The following ANAPC1 variants were observed in gnomAD, a reference collection of about 807,000 sequenced individuals.
ANAPC1 encodes anaphase-promoting complex subunit 1.
Under a neutral mutation model 208.0 loss-of-function variants are expected in ANAPC1, and 36 were observed. That is an observed-to-expected ratio of 0.17 (90% CI 0.13 to 0.23). ANAPC1 has a LOEUF of 0.23. Among genes scored for constraint, ANAPC1 ranks in the 10% least tolerant of loss-of-function variants. ANAPC1 has a pLI of 1.00. For synonymous variants in ANAPC1, 378 were observed against 695.2 expected, an observed-to-expected ratio of 0.54 and a Z score of 7.18; for missense variants, 942 against 2,011.6, an observed-to-expected ratio of 0.47 and a Z score of 10.17.
At chr2:111,833,045 T>C (rs1049663429) in intron 20 of ANAPC1, among the ~76,000 whole-genome samples, 175 bp downstream of exon 20, 4 of 151,826 alleles carry the variant, frequency 2.6e-5, no homozygotes, top group African/African-American at 9.7e-5. Context: ...GAAGATATTA[T>C]GGCTTACTAC....
rs776057720 is a variant in ANAPC1 at position 111,843,432 on chromosome 2, G to T, written c.2020C>A (p.Arg674Ser). The change falls in exon 17 of 48, where the codon CGC becomes AGC. Residue 674 changes from arginine to serine, a missense_variant. By Grantham distance (110) the Arg-to-Ser change is moderately radical. Coordinates refer to ENST00000341068, the MANE Select transcript of ANAPC1 (RefSeq NM_022662.4). The stretch of plus-strand genomic sequence containing the variant: ...CTTACATTTCTAGTCCATGCTAAGC[G>T]GTCTGTGTTATAACCCATCATGTTC... Reference protein sequence around the residue: ...LMNMMGYNTDRLAWTRNFDFE... With the variant: ...LMNMMGYNTDSLAWTRNFDFE... 6.2e-7 allele frequency: 1 copy of T among 1,611,840 alleles called. No individual in the cohort carries two copies. Among genetic ancestry groups the T allele is most frequent in the Non-Finnish European group, 8.5e-7 (1 of 1,179,832 alleles).
At chr2:111,835,116 AAGAC>A (rs1680394430) in intron 18 of ANAPC1, among the ~76,000 whole-genome samples, 1 of 152,208 alleles carries the variant, frequency 6.6e-6, no homozygotes, top group Non-Finnish European at 1.5e-5. Context: ...CCTTTTAGGA[AAGAC>A]ATTGGGAGAA....
At chr2:111,807,474 A>G (rs1558680679) in intron 29 of ANAPC1, among the ~76,000 whole-genome samples, 1 of 152,174 alleles carries the variant, frequency 6.6e-6, no homozygotes, top group South Asian at 2.1e-4. Flanking sequence ...GGCGGATCAC[A>G]AGGTCAGGAG....
rs776057720 is a variant in ANAPC1 at position 111,843,432 on chromosome 2, G to A, written c.2020C>T (p.Arg674Cys). The A allele has an allele frequency of 3.3e-5, 53 of 1,611,722 alleles. No individual in the cohort carries two copies. Among genetic ancestry groups the A allele is most frequent in the Non-Finnish European group, 4.1e-5 (48 of 1,179,840 alleles). Reference protein sequence around the residue: ...LMNMMGYNTDRLAWTRNFDFE... With the variant: ...LMNMMGYNTDCLAWTRNFDFE... ...CTTACATTTCTAGTCCATGCTAAGC[G>A]GTCTGTGTTATAACCCATCATGTTC... The change falls in exon 17 of 48, where the codon CGC (arginine) becomes TGC (cysteine). Residue 674 changes from arginine (R) to cysteine (C), a missense_variant. Physicochemically the swap from Arg to Cys is radical, Grantham distance 180 (BLOSUM62 -3). Transcript: ENST00000341068.
At chr2:111,867,771 A>C (rs1407341448) in intron 7 of ANAPC1, among the ~76,000 whole-genome samples, 6 of 152,074 alleles carry the variant, frequency 3.9e-5, no homozygotes, top group Admixed American at 3.3e-4. Context: ...ATTAATTATT[A>C]AAGAACAAAG....
chr2:111,855,744 G>A (rs1332574087), intron 13 of ANAPC1, among the ~76,000 whole-genome samples: 7 of 152,084 alleles, frequency 4.6e-5, no homozygotes, highest in East Asian at 3.9e-4. Flanking sequence ...ATTCTATCTC[G>A]AGGGCAGGGG....
intron 38 of ANAPC1, among the ~76,000 whole-genome samples, chr2:111,788,934 C>G (rs1429783403): frequency 6.6e-6 from 1 of 152,044 alleles, no homozygotes; most frequent in Non-Finnish European, 1.5e-5. Flanking sequence ...GTCAGGAGAT[C>G]GAGACCATCC....
At chr2:111,869,545 CA>C (rs1396660637) in intron 6 of ANAPC1, among the ~76,000 whole-genome samples, 5 of 152,134 alleles carry the variant, frequency 3.3e-5, no homozygotes, top group Admixed American at 6.5e-5. Context: ...CGCGCCCGGC[CA>C]AATCTTTTTT....
In ANAPC1 at chr2:111,880,762, G is replaced by A; in HGVS notation, c.64C>T (p.Pro22Ser). ...TGCTTGCAGTGGTCTCGACCAAAAG[G>A]AACAAATTCCTGCAAATCCCTTGCT... ...IAARDLQEFV[P>S]FGRDHCKHHP... The change falls in exon 2 of 48, where the codon CCT (proline) becomes TCT (serine). Residue 22 changes from proline (P) to serine (S), a missense_variant. Coordinates refer to ENST00000341068, the MANE Select transcript of ANAPC1 (RefSeq NM_022662.4). The A allele has an allele frequency of 6.2e-7, 1 of 1,613,764 alleles. No individual in the cohort carries two copies. The highest frequency in any genetic ancestry group is 1.1e-5 in the South Asian group (1 of 91,044).
chr2:111,826,399 T>C (rs914364071), intron 21 of ANAPC1, among the ~76,000 whole-genome samples: 1 of 152,218 alleles, frequency 6.6e-6, no homozygotes, highest in African/African-American at 2.4e-5. Flanking sequence ...ATTCATCTGT[T>C]TTCTTGCTCT....
chr2:111,839,479 G>A (rs1009833753), intron 17 of ANAPC1, among the ~76,000 whole-genome samples: 3 of 152,052 alleles, frequency 2.0e-5, no homozygotes, highest in Non-Finnish European at 4.4e-5. Flanking sequence ...TCTATAAATG[G>A]CAATGGCTAT....
intron 3 of ANAPC1, among the ~76,000 whole-genome samples, chr2:111,878,057 G>C (rs1257397909): frequency 6.6e-6 from 1 of 152,168 alleles, no homozygotes; most frequent in African/African-American, 2.4e-5. Context: ...GGTGGAGACT[G>C]ACAAATAACT....
At position 111,850,835 on chromosome 2, in the gene ANAPC1, G is replaced by A; in HGVS notation, c.1591C>T (p.Pro531Ser). Residue 531 changes from proline to serine, a missense_variant, in exon 14 of 48, where the codon CCA (proline) becomes TCA (serine). Coordinates refer to ENST00000341068, the MANE Select transcript of ANAPC1 (RefSeq NM_022662.4). Reference sequence around the variant, plus strand: ...TTTGGAGTACTAACGCCATCTAGTGGAGTACTGGGCCGAGGCATTGTGTTG... The same window carrying A: ...TTTGGAGTACTAACGCCATCTAGTGAAGTACTGGGCCGAGGCATTGTGTTG... ...MSNTMPRPST[P>S]LDGVSTPKPL... 6.2e-7 allele frequency: 1 copy of A among 1,611,938 alleles called. No individual in the cohort carries two copies. The highest frequency in any genetic ancestry group is 8.5e-7 in the Non-Finnish European group (1 of 1,179,856).
chr2:111,864,329 AGAT>A (rs200879980), intron 8 of ANAPC1, among the ~76,000 whole-genome samples: 25,532 of 110,390 alleles, frequency 0.23, 3,350 homozygotes, highest in South Asian at 0.33. Context: ...CTGTCTCTAG[AGAT>A]GATGATGATG....
At chr2:111,878,096 C>T (rs188237818) in intron 3 of ANAPC1, among the ~76,000 whole-genome samples, 58 of 152,320 alleles carry the variant, frequency 3.8e-4, no homozygotes, top group Admixed American at 3.5e-3. Context: ...TGTTCCTTCA[C>T]ATTTACCAGG....
At chr2:111,859,354 C>A (rs1039278356) in intron 10 of ANAPC1, among the ~76,000 whole-genome samples, 4 of 151,938 alleles carry the variant, frequency 2.6e-5, no homozygotes, top group African/African-American at 9.7e-5. Context: ...TCCTGTAATC[C>A]CAGCTACTCG....
intron 43 of ANAPC1, chr2:111,780,691 G>GA (rs1677227095): frequency 5.9e-6 from 1 of 169,092 alleles, no homozygotes; most frequent in Non-Finnish European, 1.3e-5. Flanking sequence ...AAGCCTACCA[G>GA]AAACTAGAAT....
intron 18 of ANAPC1, among the ~76,000 whole-genome samples, chr2:111,835,528 G>C (rs553688220): frequency 5.3e-5 from 8 of 152,252 alleles, no homozygotes; most frequent in Admixed American, 5.2e-4. Context: ...ACTAGATACA[G>C]AAAGAACTAA....
At chr2:111,784,219 A>G (rs1677434226) in intron 41 of ANAPC1, 104 bp downstream of exon 41, 56 of 1,570,578 alleles carry the variant, frequency 3.6e-5, no homozygotes, top group Non-Finnish European at 4.9e-5. Flanking sequence ...CTTATCTGCT[A>G]CAATACATGA....
Sources: allele counts gnomAD v4.1 joint callset (sites outside exome capture counted in the v4.1 genomes callset), GRCh38; gene constraint gnomAD v4.1.1; transcripts MANE v1.5; gene names NCBI Gene and HGNC (gene_info 2026-07-23, HGNC 2026-07-21).